Variants in CA10 observed in about 807,000 individuals in gnomAD.
CA10 encodes the protein carbonic anhydrase-related protein 10.
Under a neutral mutation model 44.2 loss-of-function variants are expected in CA10, and 14 were observed. That is an observed-to-expected ratio of 0.32 (90% CI 0.21 to 0.50). The LOEUF is 0.50. Ranked by LOEUF, CA10 falls within the 20% of genes least tolerant of loss-of-function variation. The pLI is 0.99. For synonymous variants in CA10, 159 were observed against 141.6 expected (o/e 1.12, Z -0.87); for missense variants, 350 against 409.7 (o/e 0.85, Z 1.26).
chr17:52,000,829 G>A (rs1305434145), intron 2 of CA10, among the ~76,000 whole-genome samples: 1 of 146,600 alleles, frequency 6.8e-6, no homozygotes, highest in African/African-American at 2.5e-5. Flanking sequence ...TATTAAGAGA[G>A]GTTAAGTTAT....
intron 2 of CA10, among the ~76,000 whole-genome samples, chr17:51,960,548 C>T (rs552249367): frequency 2.8e-4 from 42 of 152,158 alleles, no homozygotes; most frequent in South Asian, 1.2e-3. Flanking sequence ...CAAATGACAA[C>T]GTATTTTAGT....
At chr17:51,929,516 G>C (rs1278953199) in intron 3 of CA10, among the ~76,000 whole-genome samples, 1 of 152,018 alleles carries the variant, frequency 6.6e-6, no homozygotes, top group Non-Finnish European at 1.5e-5. Context: ...TGGAACTCAG[G>C]CACCAAACCC....
intron 4 of CA10, among the ~76,000 whole-genome samples, chr17:51,737,566 A>G (rs1015206845): frequency 2.0e-5 from 3 of 152,144 alleles, no homozygotes; most frequent in African/African-American, 7.2e-5. Context: ...AATTAGCTCC[A>G]TCTCCCAGTT....
At chr17:52,069,016 T>C (rs765640137) in intron 2 of CA10, among the ~76,000 whole-genome samples, 3 of 152,228 alleles carry the variant, frequency 2.0e-5, no homozygotes, top group East Asian at 1.9e-4. Flanking sequence ...TTGCTGCTCC[T>C]GGCCTAAGGC....
intron 2 of CA10, among the ~76,000 whole-genome samples, chr17:52,027,324 C>T (rs1020050051): frequency 8.6e-5 from 13 of 151,984 alleles, no homozygotes; most frequent in Non-Finnish European, 1.8e-4. Flanking sequence ...TCCTGCTGTG[C>T]GGCCCAGTTC....
At chr17:52,091,423 T>C (rs1310134659) in intron 1 of CA10, among the ~76,000 whole-genome samples, 2 of 152,096 alleles carry the variant, frequency 1.3e-5, no homozygotes, top group Non-Finnish European at 2.9e-5. Flanking sequence ...TTCCCAACAT[T>C]AAGATTTAAT....
chr17:51,831,218 G>A (rs547469979), intron 3 of CA10, among the ~76,000 whole-genome samples: 124 of 152,338 alleles, frequency 8.1e-4, no homozygotes, highest in African/African-American at 2.8e-3. Context: ...GTTGGACATT[G>A]TTCTTGTCTC....
intron 2 of CA10, among the ~76,000 whole-genome samples, chr17:51,939,018 G>A (rs1189554057): frequency 6.6e-6 from 1 of 152,052 alleles, no homozygotes; most frequent in African/African-American, 2.4e-5. Context: ...AAAGCAAGAG[G>A]TAATCATCTC....
At chr17:52,122,919 TC>T (rs1431923717) in intron 1 of CA10, among the ~76,000 whole-genome samples, 1 of 152,198 alleles carries the variant, frequency 6.6e-6, no homozygotes, top group Non-Finnish European at 1.5e-5. Flanking sequence ...ACTCTTTTTC[TC>T]CCCACCTGTA....
chr17:52,004,532 A>G (rs1173710015), intron 2 of CA10, among the ~76,000 whole-genome samples: 1 of 151,968 alleles, frequency 6.6e-6, no homozygotes, highest in Non-Finnish European at 1.5e-5. Context: ...AGAAGTTCAC[A>G]GTAGAGATTT....
chr17:51,693,396 G>T (rs994399517), intron 4 of CA10, among the ~76,000 whole-genome samples: 1 of 152,082 alleles, frequency 6.6e-6, no homozygotes, highest in Non-Finnish European at 1.5e-5. Flanking sequence ...GGTTACCTGG[G>T]TATATTGCAT....
chr17:51,779,939 C>T (rs1962255119), intron 3 of CA10, among the ~76,000 whole-genome samples: 1 of 152,312 alleles, frequency 6.6e-6, no homozygotes, highest in Admixed American at 6.5e-5. Flanking sequence ...TCTGGCTTGG[C>T]TTTGCCATAT....
intron 4 of CA10, among the ~76,000 whole-genome samples, chr17:51,666,121 T>A (rs1270217495): frequency 6.6e-6 from 1 of 152,232 alleles, no homozygotes; most frequent in Non-Finnish European, 1.5e-5. Context: ...CATTGATTCT[T>A]CCAACAAACC....
chr17:51,673,512 T>G (rs1380323301), intron 4 of CA10, among the ~76,000 whole-genome samples: 2 of 152,214 alleles, frequency 1.3e-5, no homozygotes, highest in Non-Finnish European at 2.9e-5. Context: ...CTCTTTTGTC[T>G]TCCTTATTCA....
At chr17:51,939,278 G>A (rs1035143989) in intron 2 of CA10, among the ~76,000 whole-genome samples, 1 of 152,056 alleles carries the variant, frequency 6.6e-6, no homozygotes, top group African/African-American at 2.4e-5. Flanking sequence ...CAGTTTGAAT[G>A]CACTTCACTT....
At chr17:51,916,401 A>C (rs1334186795) in intron 3 of CA10, among the ~76,000 whole-genome samples, 1 of 152,184 alleles carries the variant, frequency 6.6e-6, no homozygotes, top group Admixed American at 6.5e-5. Context: ...TCTCACCTGG[A>C]ATTGTAGCTC....
intron 2 of CA10, among the ~76,000 whole-genome samples, chr17:52,006,597 T>C (rs373101344): frequency 1.3e-5 from 2 of 151,944 alleles, no homozygotes; most frequent in Admixed American, 1.3e-4. Context: ...TATATTTTTA[T>C]CACCTATCTG....
intron 4 of CA10, among the ~76,000 whole-genome samples, chr17:51,726,682 T>C (rs1916534393): frequency 6.6e-6 from 1 of 152,204 alleles, no homozygotes; most frequent in South Asian, 2.1e-4. Context: ...ATCTATTTTT[T>C]CCCCTTAACT....
intron 3 of CA10, among the ~76,000 whole-genome samples, chr17:51,846,071 G>A (rs1424622608): frequency 6.6e-6 from 1 of 152,246 alleles, no homozygotes; most frequent in Non-Finnish European, 1.5e-5. Context: ...GTGAGGAAGG[G>A]AGAGGATACC....
Sources: allele counts gnomAD v4.1 joint callset (sites outside exome capture counted in the v4.1 genomes callset), GRCh38; gene constraint gnomAD v4.1.1; transcripts MANE v1.5; gene names NCBI Gene and HGNC (gene_info 2026-07-23, HGNC 2026-07-21).